ARHGEF10L: variants seen among roughly 807,000 people sequenced by gnomAD.
The protein encoded by ARHGEF10L is Rho guanine nucleotide exchange factor 10 like.
In ARHGEF10L, 69 loss-of-function variants were observed where a neutral mutation model predicts 141.2. The observed-to-expected ratio is 0.49, with a 90% CI of 0.40 to 0.60. ARHGEF10L has a LOEUF of 0.60. ARHGEF10L is among the 20% of genes least tolerant of loss of function. The probability of loss-of-function intolerance (pLI) is 0.00; values close to 1 mark genes in which losing one functional copy is unlikely to be tolerated. For missense variants in ARHGEF10L, 1,482 were observed against 1,734.3 expected, an observed-to-expected ratio of 0.85 and a Z score of 2.58; for synonymous variants, 711 against 718.5, an observed-to-expected ratio of 0.99 and a Z score of 0.17.
At chr1:17,577,034 TG>T (rs2078251052) in intron 1 of ARHGEF10L, among the ~76,000 whole-genome samples, 1 of 152,200 alleles carries the variant, frequency 6.6e-6, no homozygotes, top group African/African-American at 2.4e-5. Context: ...AAGATGAGAA[TG>T]GTTATTGTTT....
At chr1:17,554,764 A>T (rs2077244998) in intron 1 of ARHGEF10L, among the ~76,000 whole-genome samples, 1 of 151,458 alleles carries the variant, frequency 6.6e-6, no homozygotes, top group South Asian at 2.1e-4. Context: ...TAGTTTTTGC[A>T]TTTTTTTGTA....
chr1:17,691,374 C>G (rs1483018208), intron 27 of ARHGEF10L, among the ~76,000 whole-genome samples: 2 of 152,230 alleles, frequency 1.3e-5, no homozygotes, highest in African/African-American at 4.8e-5. Context: ...GCATCTCTTT[C>G]GGTTTCTTGC....
chr1:17,627,464 G>A lies in ARHGEF10L; in HGVS notation c.1545G>A (p.Gln515=). The change falls in exon 15 of 29, where the codon CAG becomes CAA. Residue 515 remains glutamine, a synonymous_variant. Transcript: ENST00000361221. This position sits in a 1 kb window ranked among gnomAD's most constrained non-coding sequence, Gnocchi z 4.0. ...RLADQVAEIQ[Q]LTKSVSDRSS... is the part of the protein sequence containing the mutation. ...CTGACCAGGTGGCTGAGATCCAGCA[G>A]CTGACCAAGAGCGTCAGTGACCGCA... 1 of 1,613,048 alleles carries A rather than the reference G, an allele frequency of 6.2e-7. No individual in the cohort carries two copies. The highest frequency in any genetic ancestry group is 8.5e-7 in the Non-Finnish European group (1 of 1,180,020).
upstream of ARHGEF10L, among the ~76,000 whole-genome samples, chr1:17,534,883 C>T (rs557134687): frequency 1.6e-4 from 24 of 152,160 alleles, no homozygotes; most frequent in South Asian, 8.3e-4. Flanking sequence ...GCCACCATGC[C>T]GGGCCACTTT....
chr1:17,522,061 C>T, the ARHGEF10L span, among the ~76,000 whole-genome samples: 5 of 152,270 alleles, frequency 3.3e-5, no homozygotes, highest in East Asian at 5.8e-4. Flanking sequence ...GGTTGAAAGC[C>T]GTGGCCCAGG....
chr1:17,642,965 G>A (rs913895569), intron 21 of ARHGEF10L, among the ~76,000 whole-genome samples: 1 of 152,158 alleles, frequency 6.6e-6, no homozygotes, highest in African/African-American at 2.4e-5. Context: ...CGGTGATTCG[G>A]GCAGCCCCAG....
chr1:17,599,467 T>C (rs1221479517), intron 4 of ARHGEF10L, among the ~76,000 whole-genome samples: 1 of 152,224 alleles, frequency 6.6e-6, no homozygotes, highest in African/African-American at 2.4e-5. Context: ...GCCGGGAGAC[T>C]GTCCAGCCAA....
At chr1:17,589,075 C>T (rs2079311844) in intron 4 of ARHGEF10L, among the ~76,000 whole-genome samples, 1 of 152,062 alleles carries the variant, frequency 6.6e-6, no homozygotes, top group African/African-American at 2.4e-5. Flanking sequence ...TGGTTAGGAG[C>T]CTGGATGTTG....
rs868154644 is a variant in ARHGEF10L, at chr1:17,621,442, A to G, written c.943-422A>G. On this transcript the variant is annotated intron_variant, in intron 10 of 28. Transcript: ENST00000361221. This position sits in a 1 kb window ranked among gnomAD's most constrained non-coding sequence, Gnocchi z 4.1. Reference sequence around the variant, plus strand: ...GAGACAGGGTTTCACCATGTTGGCCAGGCTGGTTTCGAACTCCTGACTTCA... The same window carrying G: ...GAGACAGGGTTTCACCATGTTGGCCGGGCTGGTTTCGAACTCCTGACTTCA... Among the ~76,000 whole-genome samples the G allele has an allele frequency of 7.2e-5, 11 of 152,282 alleles. No individual in the cohort carries two copies. Among genetic ancestry groups the G allele is most frequent in the African/African-American group, 2.6e-4 (11 of 41,564 alleles).
chr1:17,679,290 G>A (rs1215838146), intron 26 of ARHGEF10L, among the ~76,000 whole-genome samples: 2 of 152,212 alleles, frequency 1.3e-5, no homozygotes, highest in African/African-American at 4.8e-5. Context: ...TCTGCTCCTG[G>A]TGCACAACCT....
intron 4 of ARHGEF10L, 136 bp downstream of exon 4, chr1:17,588,615 C>A: frequency 9.2e-7 from 1 of 1,081,268 alleles, no homozygotes; most frequent in Non-Finnish European, 1.4e-6. Context: ...CACTGAGGCC[C>A]TGTGCCCTGG....
chr1:17,660,486 C>T (rs189369415), intron 25 of ARHGEF10L, among the ~76,000 whole-genome samples: 94 of 152,360 alleles, frequency 6.2e-4, no homozygotes, highest in African/African-American at 2.2e-3. Flanking sequence ...AGGATTGGCA[C>T]CTCCCACGTG....
rs947408462 is a variant in ARHGEF10L, at chr1:17,639,379, T to A, written c.2171+690T>A. Reference sequence around the variant, plus strand: ...AATGCCCAGGTTTTGGCCTCCAGGGTGGGGTGAAGGTGGGGATAGAGTGTC... The same window carrying A: ...AATGCCCAGGTTTTGGCCTCCAGGGAGGGGTGAAGGTGGGGATAGAGTGTC... On this transcript the variant is annotated intron_variant, in intron 20 of 28. Coordinates refer to ENST00000361221, the MANE Select transcript of ARHGEF10L (RefSeq NM_018125.4). This position sits in a 1 kb window ranked among gnomAD's most constrained non-coding sequence, Gnocchi z 4.3. Among the ~76,000 whole-genome samples the A allele has an allele frequency of 6.6e-6, 1 of 151,988 alleles. No individual in the cohort carries two copies. Among genetic ancestry groups the A allele is most frequent in the African/African-American group, 2.4e-5 (1 of 41,368 alleles).
At chr1:17,620,992 C>T (rs10218654) in intron 10 of ARHGEF10L, among the ~76,000 whole-genome samples, 5,451 of 152,118 alleles carry the variant, frequency 0.036, 371 homozygotes, top group African/African-American at 0.12. Context: ...CCATGCTCGA[C>T]GGGGTACTGC....
chr1:17,633,964 C>T (rs1012990297), intron 16 of ARHGEF10L, among the ~76,000 whole-genome samples: 2 of 152,160 alleles, frequency 1.3e-5, no homozygotes, highest in African/African-American at 4.8e-5. Context: ...GAATGTAGTC[C>T]GAGACCTGGC....
intron 26 of ARHGEF10L, among the ~76,000 whole-genome samples, chr1:17,686,853 G>GA (rs201174836): frequency 2.1e-3 from 286 of 138,080 alleles, no homozygotes; most frequent in African/African-American, 4.8e-3. Flanking sequence ...ATACTTGCAA[G>GA]AAAAAAAAAA....
At chr1:17,641,133 C>A (rs571955439) in intron 21 of ARHGEF10L, among the ~76,000 whole-genome samples, 1 of 152,342 alleles carries the variant, frequency 6.6e-6, no homozygotes, top group South Asian at 2.1e-4. Flanking sequence ...TGTCTGCAGA[C>A]TGCATTCATT....
chr1:17,620,826 A>G (rs2060068882), intron 10 of ARHGEF10L, among the ~76,000 whole-genome samples: 1 of 152,132 alleles, frequency 6.6e-6, no homozygotes, highest in Non-Finnish European at 1.5e-5. Flanking sequence ...GCAGCGTCCT[A>G]ACTTTGCTGC....
intron 18 of ARHGEF10L, 62 bp downstream of exon 18, chr1:17,635,078 G>T: frequency 6.3e-7 from 1 of 1,596,264 alleles, no homozygotes; most frequent in Non-Finnish European, 8.5e-7. Context: ...CACAGCCTGG[G>T]CTGCTCCTAC....
Sources: allele counts gnomAD v4.1 joint callset (sites outside exome capture counted in the v4.1 genomes callset), GRCh38; gene constraint gnomAD v4.1.1; non-coding constraint Gnocchi (gnomAD v3.1); transcripts MANE v1.5; gene names NCBI Gene and HGNC (gene_info 2026-07-23, HGNC 2026-07-21).